SAMMSON: variants seen among roughly 807,000 people sequenced by gnomAD.
SAMMSON encodes the protein long intergenic non-protein coding RNA 1212.
At chr3:70,387,728 T>C (rs1700986657) in intron 9 of SAMMSON, among the ~76,000 whole-genome samples, 1 of 152,092 alleles carries the variant, frequency 6.6e-6, no homozygotes, top group Non-Finnish European at 1.5e-5. Flanking sequence ...TATCAAGGAT[T>C]AAGTTTTTGA....
intron 2 of SAMMSON, among the ~76,000 whole-genome samples, chr3:70,405,978 A>G (rs1376068297): frequency 6.6e-6 from 1 of 152,192 alleles, no homozygotes; most frequent in South Asian, 2.1e-4. Context: ...CAGGGAGTCT[A>G]TTGTAAAACA....
At chr3:70,384,848 G>A (rs1703107382) in intron 9 of SAMMSON, among the ~76,000 whole-genome samples, 1 of 152,018 alleles carries the variant, frequency 6.6e-6, no homozygotes, top group Non-Finnish European at 1.5e-5. Context: ...GAGCTTTCTA[G>A]GATGATGGAA....
At chr3:70,008,624 C>T (rs572922248) in intron 1 of SAMMSON, among the ~76,000 whole-genome samples, 2 of 152,232 alleles carry the variant, frequency 1.3e-5, no homozygotes, top group Non-Finnish European at 1.5e-5. Context: ...CTTGAATACC[C>T]TTTATTTCTT....
intron 2 of SAMMSON, among the ~76,000 whole-genome samples, chr3:70,425,351 C>G (rs1471888415): frequency 6.6e-6 from 1 of 151,978 alleles, no homozygotes; most frequent in African/African-American, 2.4e-5. Flanking sequence ...TGCAAATATC[C>G]TCTCTTAACC....
At chr3:70,092,902 G>GTTTTT (rs5849939) in intron 4 of SAMMSON, among the ~76,000 whole-genome samples, 5 of 138,170 alleles carry the variant, frequency 3.6e-5, no homozygotes, top group Non-Finnish European at 4.6e-5. Flanking sequence ...TAGTGTTTTT[G>GTTTTT]TTTTTTTTTT....
rs1701238690 is a variant in SAMMSON, at chr3:70,201,470, C to T, written n.508-47637C>T. Among the ~76,000 whole-genome samples, 3 of 151,996 alleles carry T rather than the reference C, an allele frequency of 2.0e-5. No individual in the cohort carries two copies. The South Asian group carries it at 6.2e-4, about 31-fold the overall frequency. On this transcript the variant is annotated intron_variant and non_coding_transcript_variant, in intron 4 of 9. Coordinates refer to ENST00000642114, the Ensembl canonical transcript of SAMMSON. ...CATTGATGGACATTTAGTTTGATTCCATGTCTTTGCTATTGCAAATTTTGT... is the reference window on the plus strand; with the variant it reads ...CATTGATGGACATTTAGTTTGATTCTATGTCTTTGCTATTGCAAATTTTGT...
intron 4 of SAMMSON, among the ~76,000 whole-genome samples, chr3:70,103,994 CT>C (rs11357634): frequency 0.26 from 36,695 of 138,522 alleles, 4,973 homozygotes; most frequent in East Asian, 0.62. Context: ...TTCATTTAAG[CT>C]TTTTTTTTTT....
intron 2 of SAMMSON, among the ~76,000 whole-genome samples, chr3:70,409,632 T>G (rs1701202733): frequency 6.6e-6 from 1 of 152,062 alleles, no homozygotes; most frequent in Non-Finnish European, 1.5e-5. Context: ...AAATGAGAGG[T>G]GGTCTGCGTC....
chr3:70,224,797 GATAATAT>G (rs2106739559), intron 4 of SAMMSON, among the ~76,000 whole-genome samples: 1 of 151,998 alleles, frequency 6.6e-6, no homozygotes, highest in Admixed American at 6.6e-5. Context: ...CATTGCAGTT[GATAATAT>G]CACTGTAATT....
intron 2 of SAMMSON, among the ~76,000 whole-genome samples, chr3:70,409,067 A>AC (rs1701198177): frequency 6.6e-6 from 1 of 151,988 alleles, no homozygotes; most frequent in Non-Finnish European, 1.5e-5. Context: ...GAGGGAAACC[A>AC]CCCCCATGAT....
chr3:70,221,250 T>C (rs538412436), intron 4 of SAMMSON, among the ~76,000 whole-genome samples: 1 of 152,284 alleles, frequency 6.6e-6, no homozygotes, highest in African/African-American at 2.4e-5. Context: ...AAAATAATGA[T>C]AGCTAACATT....
At chr3:70,085,527 A>G (rs372915319) in intron 4 of SAMMSON, among the ~76,000 whole-genome samples, 5 of 152,140 alleles carry the variant, frequency 3.3e-5, no homozygotes, top group African/African-American at 1.2e-4. Flanking sequence ...TAGGTTTCCT[A>G]ATTTGAGTAA....
chr3:70,381,995 CATATT>C (rs1230898856), intron 9 of SAMMSON, among the ~76,000 whole-genome samples: 1 of 152,010 alleles, frequency 6.6e-6, no homozygotes, highest in East Asian at 1.9e-4. Context: ...GTGTAATACT[CATATT>C]GTGATTATGT....
intron 1 of SAMMSON, among the ~76,000 whole-genome samples, chr3:70,007,591 G>T (rs2066933527): frequency 6.6e-6 from 1 of 151,972 alleles, no homozygotes; most frequent in Non-Finnish European, 1.5e-5. Context: ...CCATTCTGTA[G>T]GTTGCATGTT....
intron 7 of SAMMSON, among the ~76,000 whole-genome samples, chr3:70,346,091 C>T (rs575666367): frequency 8.6e-4 from 131 of 152,094 alleles, no homozygotes; most frequent in Non-Finnish European, 1.5e-3. Flanking sequence ...ACTCTGTGTT[C>T]CCACTAGGAC....
intron 6 of SAMMSON, among the ~76,000 whole-genome samples, chr3:70,290,121 A>G (rs1559555249): frequency 6.6e-6 from 1 of 151,982 alleles, no homozygotes; most frequent in African/African-American, 2.4e-5. Flanking sequence ...GTTCCTTTGT[A>G]GGAGGAGAGG....
intron 4 of SAMMSON, among the ~76,000 whole-genome samples, chr3:70,236,872 C>T (rs1200254352): frequency 6.6e-6 from 1 of 152,190 alleles, no homozygotes; most frequent in Non-Finnish European, 1.5e-5. Flanking sequence ...GTTAGGATTT[C>T]AGGTAACAGC....
intron 4 of SAMMSON, among the ~76,000 whole-genome samples, chr3:70,106,280 G>A (rs981594531): frequency 6.6e-6 from 1 of 151,058 alleles, no homozygotes; most frequent in South Asian, 2.1e-4. Context: ...TCTAAATTTT[G>A]TGTGTATTTG....
intron 4 of SAMMSON, chr3:70,159,501 T>C (rs576452342): frequency 6.6e-6 from 1 of 152,110 alleles, no homozygotes; most frequent in East Asian, 1.9e-4. Flanking sequence ...GTACCATTCA[T>C]ACATTGATAT....
Sources: allele counts gnomAD v4.1 joint callset (sites outside exome capture counted in the v4.1 genomes callset), GRCh38; gene constraint gnomAD v4.1.1; transcripts MANE v1.5; gene names NCBI Gene and HGNC (gene_info 2026-07-23, HGNC 2026-07-21).